EPB41L2: variants seen among roughly 807,000 people sequenced by gnomAD.
EPB41L2 encodes band 4.1-like protein 2.
In EPB41L2, 43 loss-of-function variants were observed where a neutral mutation model predicts 113.0. That is an observed-to-expected ratio of 0.38 (90% CI 0.30 to 0.49). The LOEUF (loss-of-function observed/expected upper bound fraction) is 0.49, where lower values mean the gene tolerates loss of function less well. Ranked by LOEUF, EPB41L2 falls within the 20% of genes least tolerant of loss-of-function variation. The pLI is 0.95. For missense variants in EPB41L2, 1,147 were observed against 1,223.4 expected (o/e 0.94, Z 0.93); for synonymous variants, 442 against 436.7 (o/e 1.01, Z -0.15).
chr6:130,913,224 C>A (rs1212630747), intron 4 of EPB41L2, among the ~76,000 whole-genome samples: 1 of 152,198 alleles, frequency 6.6e-6, no homozygotes, highest in African/African-American at 2.4e-5. Flanking sequence ...CAGCCAAATT[C>A]AGACTTGGTG....
chr6:130,953,168 A>G (rs901663445), intron 3 of EPB41L2, among the ~76,000 whole-genome samples: 1 of 151,832 alleles, frequency 6.6e-6, no homozygotes, highest in Non-Finnish European at 1.5e-5. Flanking sequence ...GATAGGTAGG[A>G]AAGACAAGGG....
At chr6:131,033,555 T>C (rs1029277757) in intron 1 of EPB41L2, among the ~76,000 whole-genome samples, 3 of 152,168 alleles carry the variant, frequency 2.0e-5, no homozygotes, top group Admixed American at 2.0e-4. Flanking sequence ...CAACAATAGA[T>C]GAATGGATAA....
At chr6:130,969,968 A>G (rs1189497499) in intron 1 of EPB41L2, among the ~76,000 whole-genome samples, 3 of 152,194 alleles carry the variant, frequency 2.0e-5, no homozygotes, top group Admixed American at 6.5e-5. Flanking sequence ...TATCATGTTA[A>G]AGATAGCCTG....
chr6:131,010,519 T>A, intron 1 of EPB41L2, among the ~76,000 whole-genome samples: 1 of 151,926 alleles, frequency 6.6e-6, no homozygotes, highest in East Asian at 1.9e-4. Flanking sequence ...TTCAGGTAAT[T>A]CTCGTGTCTC....
chr6:130,963,144 C>T (rs969928562), intron 1 of EPB41L2, among the ~76,000 whole-genome samples: 3 of 152,220 alleles, frequency 2.0e-5, no homozygotes, highest in African/African-American at 7.2e-5. Context: ...CAGTCCTGTG[C>T]TGGAGCTTCC....
intron 10 of EPB41L2, among the ~76,000 whole-genome samples, chr6:130,892,403 C>CTTTTTTTTTTTTCTTTT (rs1793215284): frequency 1.1e-5 from 1 of 92,640 alleles, no homozygotes; most frequent in Non-Finnish European, 2.4e-5. Flanking sequence ...CAGATTATTG[C>CTTTTTTTTTTTTCTTTT]TTTTTTTTTT....
At chr6:130,929,929 T>A (rs554836432) in intron 3 of EPB41L2, among the ~76,000 whole-genome samples, 31 of 142,210 alleles carry the variant, frequency 2.2e-4, no homozygotes, top group African/African-American at 7.3e-4. Flanking sequence ...GTATAAACAG[T>A]AGGAAAGACA....
intron 1 of EPB41L2, among the ~76,000 whole-genome samples, chr6:131,030,963 G>A (rs1054705454): frequency 5.9e-5 from 9 of 151,716 alleles, no homozygotes; most frequent in African/African-American, 9.7e-5. Flanking sequence ...GCAGTGGCAC[G>A]CACCAGTAGT....
intron 1 of EPB41L2, among the ~76,000 whole-genome samples, chr6:130,989,545 C>T (rs753912289): frequency 2.6e-5 from 4 of 151,988 alleles, no homozygotes; most frequent in African/African-American, 9.7e-5. Flanking sequence ...TAAGGGAGAG[C>T]GTTTGAGGTC....
intron 1 of EPB41L2, among the ~76,000 whole-genome samples, chr6:131,038,520 G>C (rs1021812591): frequency 6.6e-6 from 1 of 151,980 alleles, no homozygotes; most frequent in Non-Finnish European, 1.5e-5. Flanking sequence ...ATAAGTAATG[G>C]TCTACTTATA....
In EPB41L2 at chr6:130,901,048, G is replaced by T. The variant is rs771274724; in HGVS notation, c.1062C>A (p.Gly354=). Residue 354 remains glycine, a synonymous_variant, in exon 7 of 20, where the codon GGC becomes GGA. Transcript: ENST00000337057. Reference sequence around the variant, plus strand: ...ACTGGAATTCACTGAGGTCGATGCTGCCATGTTCTTCTGGGTCATAGTCAC... The same window carrying T: ...ACTGGAATTCACTGAGGTCGATGCTTCCATGTTCTTCTGGGTCATAGTCAC... ...ELGDYDPEEH[G]SIDLSEFQFA... The T allele has an allele frequency of 6.2e-7, 1 of 1,614,038 alleles. No homozygotes were observed. The highest frequency in any genetic ancestry group is 1.3e-5 in the African/African-American group (1 of 74,930).
At chr6:130,917,221 A>C (rs1801399591) in intron 4 of EPB41L2, among the ~76,000 whole-genome samples, 2 of 152,200 alleles carry the variant, frequency 1.3e-5, no homozygotes, top group South Asian at 4.1e-4. Flanking sequence ...ATAACAACCC[A>C]AAATACAGTC....
At chr6:131,053,434 T>TAAAAAAAAA (rs71030727) in intron 1 of EPB41L2, among the ~76,000 whole-genome samples, 5 of 88,898 alleles carry the variant, frequency 5.6e-5, no homozygotes, top group African/African-American at 8.5e-5. Flanking sequence ...ATGGAAATGA[T>TAAAAAAAAA]AAAAAAAAAA....
chr6:130,859,245 G>A (rs889412887), intron 18 of EPB41L2, among the ~76,000 whole-genome samples: 1 of 152,202 alleles, frequency 6.6e-6, no homozygotes, highest in Admixed American at 6.5e-5. Context: ...CTAAAGGCCA[G>A]GCGTGGTGGC....
At chr6:131,032,971 A>T (rs1159905922) in intron 1 of EPB41L2, among the ~76,000 whole-genome samples, 1 of 152,108 alleles carries the variant, frequency 6.6e-6, no homozygotes, top group African/African-American at 2.4e-5. Context: ...TGTCACCCGG[A>T]TTCAAGCAAT....
intron 19 of EPB41L2, 40 bp downstream of exon 19, chr6:130,858,091 C>T: frequency 7.0e-7 from 1 of 1,423,118 alleles, no homozygotes; most frequent in Non-Finnish European, 9.9e-7. Flanking sequence ...GAGTACAGAG[C>T]AGTCACTAGA....
chr6:130,952,704 G>C (rs1815629932), intron 3 of EPB41L2, among the ~76,000 whole-genome samples: 1 of 151,958 alleles, frequency 6.6e-6, no homozygotes, highest in Admixed American at 6.6e-5. Context: ...CAGCTACACA[G>C]GACGCTGAGG....
chr6:130,947,025 C>CGA (rs10670642), intron 3 of EPB41L2, among the ~76,000 whole-genome samples: 4 of 145,774 alleles, frequency 2.7e-5, no homozygotes, highest in African/African-American at 1.0e-4. Flanking sequence ...AGACCCCCCC[C>CGA]CCAGCCCCTT....
intron 1 of EPB41L2, among the ~76,000 whole-genome samples, chr6:130,995,437 G>A (rs1366201523): frequency 6.6e-5 from 10 of 152,204 alleles, no homozygotes; most frequent in African/African-American, 1.9e-4. Flanking sequence ...TCAGGAATTC[G>A]AGTCCAGCCT....
Sources: allele counts gnomAD v4.1 joint callset (sites outside exome capture counted in the v4.1 genomes callset), GRCh38; gene constraint gnomAD v4.1.1; transcripts MANE v1.5; gene names NCBI Gene and HGNC (gene_info 2026-07-23, HGNC 2026-07-21).